KCNIP4: variants seen among roughly 807,000 people sequenced by gnomAD.
KCNIP4 encodes the protein Kv channel-interacting protein 4.
KCNIP4 carries 12 observed loss-of-function variants against 34.0 expected under a neutral mutation model. That is an observed-to-expected ratio of 0.35 (90% CI 0.23 to 0.57). The LOEUF is 0.57. Among genes scored for constraint, KCNIP4 ranks in the 20% least tolerant of loss-of-function variants. KCNIP4 has a pLI of 0.83. For synonymous variants in KCNIP4, 124 were observed against 102.2 expected (o/e 1.21, Z -1.29); for missense variants, 238 against 311.7 (o/e 0.76, Z 1.78).
chr4:21,121,182 AC>A (rs1034711519), intron 1 of KCNIP4, among the ~76,000 whole-genome samples: 1 of 151,908 alleles, frequency 6.6e-6, no homozygotes, highest in Non-Finnish European at 1.5e-5. Flanking sequence ...TCCATACACA[AC>A]CCCAGGTGAC....
chr4:21,045,891 G>T (rs988703053), intron 1 of KCNIP4, among the ~76,000 whole-genome samples: 37 of 152,224 alleles, frequency 2.4e-4, no homozygotes, highest in African/African-American at 8.2e-4. Context: ...TATTATCTGA[G>T]AAATTTGATA....
intron 1 of KCNIP4, among the ~76,000 whole-genome samples, chr4:21,913,425 A>C (rs1285723520): frequency 6.6e-6 from 1 of 151,776 alleles, no homozygotes; most frequent in African/African-American, 2.4e-5. Context: ...GTGAGGACAC[A>C]GTATTCCTCC....
intron 3 of KCNIP4, among the ~76,000 whole-genome samples, chr4:20,830,684 T>A (rs2874855): frequency 0.2 from 31,134 of 151,900 alleles, 3,441 homozygotes; most frequent in South Asian, 0.42. Context: ...ACAGAAAAAA[T>A]GTATAGAGAA....
chr4:20,911,308 A>C (rs533216402), intron 1 of KCNIP4, among the ~76,000 whole-genome samples: 2 of 152,260 alleles, frequency 1.3e-5, no homozygotes, highest in Non-Finnish European at 1.5e-5. Context: ...TGTCGTGTAA[A>C]CTGTGTTTGC....
In KCNIP4 at chr4:21,016,006, TA is replaced by T. The variant is rs1414533462; in HGVS notation, c.62-133298del. 7.5e-5 allele frequency among the ~76,000 whole-genome samples: 11 copies of T among 146,242 alleles called. No individual in the cohort carries two copies. The East Asian group carries it at 2.2e-3, about 29-fold the overall frequency. ...TATGCTTAAAAAATAAAAGAGTATA[TA>T]AATATATATATTTATATATATCTAG... On this transcript the variant is annotated intron_variant, in intron 1 of 8. Coordinates refer to ENST00000382152, the MANE Select transcript of KCNIP4 (RefSeq NM_025221.6).
intron 1 of KCNIP4, among the ~76,000 whole-genome samples, chr4:21,665,511 A>ACCC (rs11291297): frequency 7.2e-6 from 1 of 138,874 alleles, no homozygotes; most frequent in Non-Finnish European, 1.6e-5. Flanking sequence ...ATCACAGGGC[A>ACCC]CCCCCCCCCC....
intron 1 of KCNIP4, among the ~76,000 whole-genome samples, chr4:21,823,357 T>C (rs1328968914): frequency 6.6e-6 from 1 of 151,850 alleles, no homozygotes; most frequent in Non-Finnish European, 1.5e-5. Flanking sequence ...TAAACCAGAG[T>C]TTCAAATTAA....
At chr4:21,399,152 C>T (rs1430184902) in intron 1 of KCNIP4, among the ~76,000 whole-genome samples, 1 of 152,248 alleles carries the variant, frequency 6.6e-6, no homozygotes, top group Non-Finnish European at 1.5e-5. Context: ...ACCACAAGCC[C>T]AGGCCCCTCC....
At chr4:20,758,679 A>G in intron 4 of KCNIP4, 142 bp downstream of exon 4, 1 of 651,436 alleles carries the variant, frequency 1.5e-6, no homozygotes, top group Non-Finnish European at 2.6e-6. Context: ...TACATTAAAA[A>G]TTATATACAC....
At chr4:21,046,857 T>C (rs184074372) in intron 1 of KCNIP4, among the ~76,000 whole-genome samples, 7 of 152,278 alleles carry the variant, frequency 4.6e-5, no homozygotes, top group Admixed American at 4.6e-4. Context: ...CCTTCCAAAG[T>C]GCTGGGATTA....
At chr4:21,401,319 T>C (rs1482143895) in intron 1 of KCNIP4, among the ~76,000 whole-genome samples, 3 of 152,190 alleles carry the variant, frequency 2.0e-5, no homozygotes, top group Non-Finnish European at 4.4e-5. Context: ...ATTTCTCAAA[T>C]AAGGAAAAAC....
chr4:21,894,614 A>C (rs1441174343), intron 1 of KCNIP4, among the ~76,000 whole-genome samples: 1 of 152,220 alleles, frequency 6.6e-6, no homozygotes, highest in Non-Finnish European at 1.5e-5. Context: ...AATGCAGAGA[A>C]TTATAGAATA....
chr4:21,281,710 A>G (rs1762785903), intron 1 of KCNIP4, among the ~76,000 whole-genome samples: 1 of 152,152 alleles, frequency 6.6e-6, no homozygotes, highest in Non-Finnish European at 1.5e-5. Flanking sequence ...GGTTTATTTT[A>G]TTGCATTCCA....
intron 1 of KCNIP4, among the ~76,000 whole-genome samples, chr4:21,468,540 T>C (rs1397830238): frequency 1.3e-5 from 2 of 152,210 alleles, no homozygotes; most frequent in Non-Finnish European, 2.9e-5. Context: ...ATAAACGGTT[T>C]AGGCTGTGGG....
rs149450756 is a variant in KCNIP4, at chr4:20,973,841, A to C, written c.62-91132T>G. On this transcript the variant is annotated intron_variant, in intron 1 of 8. Transcript: ENST00000382152. ...GTGGAGCAGTCAGAATACACACAAT[A>C]TTTATAGATTAAGTTTGGAATCTTA... Among the ~76,000 whole-genome samples, 915 of 152,232 alleles carry C rather than the reference A, an allele frequency of 6.0e-3. 11 individuals carry two copies. The highest frequency in any genetic ancestry group is 0.021 in the African/African-American group (867 of 41,524).
intron 1 of KCNIP4, among the ~76,000 whole-genome samples, chr4:21,097,576 G>A (rs1298285118): frequency 1.3e-5 from 2 of 152,044 alleles, no homozygotes; most frequent in Admixed American, 6.6e-5. Flanking sequence ...CTGTCTTGGT[G>A]ATCTGCGATC....
chr4:21,553,516 C>T (rs375451356), intron 1 of KCNIP4, among the ~76,000 whole-genome samples: 61 of 152,134 alleles, frequency 4.0e-4, no homozygotes, highest in African/African-American at 1.4e-3. Flanking sequence ...CCTTTTAAGA[C>T]GCACTTTTCT....
intron 1 of KCNIP4, among the ~76,000 whole-genome samples, chr4:21,027,611 G>T (rs941742146): frequency 6.7e-6 from 1 of 149,828 alleles, no homozygotes; most frequent in East Asian, 1.9e-4. Flanking sequence ...AATATGAAAA[G>T]ATATGTAATC....
chr4:21,173,399 C>T (rs759716036), intron 1 of KCNIP4, among the ~76,000 whole-genome samples: 3 of 152,060 alleles, frequency 2.0e-5, no homozygotes, highest in Non-Finnish European at 4.4e-5. Flanking sequence ...AGAGGCAGAC[C>T]TGTCTCCCCA....
Sources: allele counts gnomAD v4.1 joint callset (sites outside exome capture counted in the v4.1 genomes callset), GRCh38; gene constraint gnomAD v4.1.1; transcripts MANE v1.5; gene names NCBI Gene and HGNC (gene_info 2026-07-23, HGNC 2026-07-21).